The following MECOM variants were observed in gnomAD, a reference collection of about 807,000 sequenced individuals.
The protein encoded by MECOM is MDS1 and EVI1 complex locus, also known as histone-lysine N-methyltransferase MECOM.
Under a neutral mutation model 116.3 loss-of-function variants are expected in MECOM, and 13 were observed. The ratio of observed to expected loss-of-function variants is 0.11; its 90% CI spans 0.07 to 0.18. The LOEUF is 0.18. Ranked by LOEUF, MECOM falls within the 10% of genes least tolerant of loss-of-function variation. MECOM has a pLI of 1.00. For synonymous variants in MECOM, 528 were observed against 535.2 expected, an observed-to-expected ratio of 0.99 and a Z score of 0.19; for missense variants, 1,299 against 1,509.0, an observed-to-expected ratio of 0.86 and a Z score of 2.31.
intron 2 of MECOM, among the ~76,000 whole-genome samples, chr3:169,317,510 G>GTCAT (rs2149743590): frequency 6.6e-6 from 1 of 152,278 alleles, no homozygotes; most frequent in African/African-American, 2.4e-5. Flanking sequence ...GAGATGTAAG[G>GTCAT]TCATTCATAA....
At chr3:169,218,720 T>C (rs1241239745) in intron 2 of MECOM, among the ~76,000 whole-genome samples, 1 of 152,186 alleles carries the variant, frequency 6.6e-6, no homozygotes, top group Non-Finnish European at 1.5e-5. Flanking sequence ...TAACTTTTAT[T>C]TCTTAATCAT....
chr3:169,648,894 A>C (rs1270637038), intron 1 of MECOM, among the ~76,000 whole-genome samples: 1 of 152,206 alleles, frequency 6.6e-6, no homozygotes, highest in Non-Finnish European at 1.5e-5. Context: ...GCTCTCAGAC[A>C]GTGGTGCTCT....
In MECOM at chr3:169,382,869, AAAAAT is replaced by A. The variant is rs1560205102; in HGVS notation, c.38-1350_38-1346del. Among the ~76,000 whole-genome samples the A allele has an allele frequency of 1.7e-3, 145 of 83,832 alleles. 16 individuals are homozygous for A. The highest frequency in any genetic ancestry group is 8.2e-3 in the East Asian group (12 of 1,460). The allele number at this position is 83,832 out of a possible 152,430, so 55.0% of individuals were successfully genotyped here. ...CATCTCAAAAAAAAAAAAAAATAAA[AAAAAT>A]AAAAAAAGAAGGTAAAATGGGTTGC... On this transcript the variant is annotated intron_variant, in intron 1 of 16. Coordinates refer to ENST00000651503, the MANE Select transcript of MECOM (RefSeq NM_004991.4).
At chr3:169,153,669 T>C (rs1320578242) in intron 2 of MECOM, among the ~76,000 whole-genome samples, 1 of 152,182 alleles carries the variant, frequency 6.6e-6, no homozygotes, top group Non-Finnish European at 1.5e-5. Context: ...CATAATCTTG[T>C]GGGGAAAGTT....
In MECOM at chr3:169,483,829, G is replaced by C. The variant is rs1205122444; in HGVS notation, c.38-102305C>G. The C allele has an allele frequency of 1.4e-5, 22 of 1,611,634 alleles. No homozygotes were observed. The East Asian group carries it at 3.1e-4, about 23-fold the overall frequency. On this transcript the variant is annotated intron_variant, in intron 1 of 16. Transcript: ENST00000651503. ...TATTTCAAATACCTTTTGGAGAAAG[G>C]CACCTCGGATGTCACGGTGATCTTG...
intron 7 of MECOM, among the ~76,000 whole-genome samples, chr3:169,117,424 G>A (rs1729526429): frequency 6.6e-6 from 1 of 152,126 alleles, no homozygotes; most frequent in African/African-American, 2.4e-5. Flanking sequence ...GCCTGCAAAG[G>A]AAACTAAATT....
At chr3:169,578,475 T>G (rs543003127) in intron 1 of MECOM, among the ~76,000 whole-genome samples, 1 of 152,322 alleles carries the variant, frequency 6.6e-6, no homozygotes, top group African/African-American at 2.4e-5. Context: ...GCAAGACATA[T>G]TTAAATGTAA....
chr3:169,419,788 C>T (rs1739394315), intron 1 of MECOM, among the ~76,000 whole-genome samples: 1 of 152,118 alleles, frequency 6.6e-6, no homozygotes, highest in Admixed American at 6.5e-5. Context: ...AGCTTCTGCA[C>T]AACAAAAGAA....
chr3:169,085,048 G>T lies in MECOM; in HGVS notation c.3586-5C>A. 1 of 1,613,606 alleles carries T rather than the reference G, an allele frequency of 6.2e-7. No homozygotes were observed. Among genetic ancestry groups the T allele is most frequent in the Middle Eastern group, 1.7e-4 (1 of 6,026 alleles). On this transcript the variant is annotated splice_region_variant and splice_polypyrimidine_tract_variant and intron_variant, in intron 16 of 16. Coordinates refer to ENST00000651503, the MANE Select transcript of MECOM (RefSeq NM_004991.4). ...TGACAGCATCATAGCATATGCCTGG[G>T]GTAAAAAGGAGAGAGACTCAGTAAA...
At chr3:169,094,378 GCTGGCAAATGTTAC>G (rs1720848886) in intron 13 of MECOM, among the ~76,000 whole-genome samples, 1 of 152,150 alleles carries the variant, frequency 6.6e-6, no homozygotes. Context: ...ACATATGCCA[GCTGGCAAATGTTAC>G]TTAATGACTT....
intron 1 of MECOM, among the ~76,000 whole-genome samples, chr3:169,514,309 A>AAG (rs979182725): frequency 1.3e-5 from 2 of 151,646 alleles, no homozygotes; most frequent in African/African-American, 2.4e-5. Context: ...TCAAAAAAAA[A>AAG]AGAGAGAGAG....
intron 2 of MECOM, among the ~76,000 whole-genome samples, chr3:169,188,574 C>T (rs964711909): frequency 1.3e-5 from 2 of 151,868 alleles, no homozygotes; most frequent in Admixed American, 6.6e-5. Flanking sequence ...GGAGTATTTC[C>T]GTATAGCCTA....
chr3:169,411,863 T>C (rs2421648), intron 1 of MECOM, among the ~76,000 whole-genome samples: 87,468 of 151,936 alleles, frequency 0.58, 25,638 homozygotes, highest in East Asian at 0.9. Context: ...TGGTAGTGCA[T>C]GCCTGTGATC....
At chr3:169,398,920 G>T (rs2108381235) in intron 1 of MECOM, among the ~76,000 whole-genome samples, 1 of 152,290 alleles carries the variant, frequency 6.6e-6, no homozygotes, top group South Asian at 2.1e-4. Flanking sequence ...TTTACACATT[G>T]AAACCCTTTC....
intron 1 of MECOM, among the ~76,000 whole-genome samples, chr3:169,387,654 G>C (rs1733577440): frequency 6.6e-6 from 1 of 152,134 alleles, no homozygotes; most frequent in African/African-American, 2.4e-5. Flanking sequence ...GATTTCTGTA[G>C]TTATTAAGAA....
At chr3:169,190,945 C>T (rs1747444136) in intron 2 of MECOM, among the ~76,000 whole-genome samples, 1 of 151,972 alleles carries the variant, frequency 6.6e-6, no homozygotes, top group Admixed American at 6.6e-5. Context: ...CACATCTACT[C>T]TTACACTTTC....
intron 2 of MECOM, among the ~76,000 whole-genome samples, chr3:169,309,220 C>T (rs1324504413): frequency 6.6e-6 from 1 of 152,120 alleles, no homozygotes; most frequent in Non-Finnish European, 1.5e-5. Flanking sequence ...AGCAGCAGTA[C>T]ATTCTTTTGA....
intron 2 of MECOM, among the ~76,000 whole-genome samples, chr3:169,255,658 TC>T (rs1474414993): frequency 6.6e-6 from 1 of 152,218 alleles, no homozygotes; most frequent in African/African-American, 2.4e-5. Context: ...TTCCTTACAA[TC>T]ATCAAGTGTT....
chr3:169,365,622 A>G (rs1018552686), intron 2 of MECOM, among the ~76,000 whole-genome samples: 1 of 152,026 alleles, frequency 6.6e-6, no homozygotes, highest in African/African-American at 2.4e-5. Flanking sequence ...GCAAAATGGC[A>G]TCAAGCTTCT....
Sources: gnomAD v4.1 joint callset for allele counts (sites outside exome capture counted in the v4.1 genomes callset) on GRCh38, gnomAD v4.1.1 for gene constraint, MANE v1.5 for transcripts, NCBI Gene and HGNC (gene_info 2026-07-23, HGNC 2026-07-21) for gene names.